Variants in ATOH8 observed in about 807,000 individuals in gnomAD.
The protein encoded by ATOH8 is atonal bHLH transcription factor 8.
In ATOH8, 9 loss-of-function variants were observed where a neutral mutation model predicts 21.2. The ratio of observed to expected loss-of-function variants is 0.42; its 90% CI spans 0.26 to 0.74. The LOEUF is 0.74. ATOH8 is among the 30% of genes least tolerant of loss of function. ATOH8 has a pLI of 0.24. For synonymous variants in ATOH8, 253 were observed against 224.0 expected, an observed-to-expected ratio of 1.13 and a Z score of -1.16; for missense variants, 524 against 470.9, an observed-to-expected ratio of 1.11 and a Z score of -1.04.
intron 2 of ATOH8, among the ~76,000 whole-genome samples, chr2:85,777,700 T>G (rs1333916556): frequency 6.6e-6 from 1 of 152,182 alleles, no homozygotes; most frequent in East Asian, 1.9e-4. Context: ...GAAGTCTGCT[T>G]CTGTGCAGGA....
chr2:85,756,830 A>G (rs1222928518), intron 1 of ATOH8, among the ~76,000 whole-genome samples: 1 of 151,276 alleles, frequency 6.6e-6, no homozygotes, highest in Non-Finnish European at 1.5e-5. Flanking sequence ...GTCATGTGCC[A>G]CCCCCCCAGC....
intron 2 of ATOH8, among the ~76,000 whole-genome samples, chr2:85,768,325 A>G (rs1184421331): frequency 6.6e-6 from 1 of 152,216 alleles, no homozygotes; most frequent in Non-Finnish European, 1.5e-5. Flanking sequence ...ATGGTGGCCC[A>G]TAGCTTCACA....
At chr2:85,776,701 A>G (rs1680331847) in intron 2 of ATOH8, among the ~76,000 whole-genome samples, 1 of 152,190 alleles carries the variant, frequency 6.6e-6, no homozygotes, top group Non-Finnish European at 1.5e-5. Flanking sequence ...CAAGGATTTC[A>G]AAATTGCTCT....
chr2:85,778,735 G>C (rs1442481461), intron 2 of ATOH8, among the ~76,000 whole-genome samples: 1 of 152,220 alleles, frequency 6.6e-6, no homozygotes, highest in East Asian at 1.9e-4. Flanking sequence ...GAGGCGCTTC[G>C]AGAGGCAGCA....
intron 2 of ATOH8, among the ~76,000 whole-genome samples, chr2:85,784,142 C>T (rs1159383298): frequency 6.6e-6 from 1 of 152,180 alleles, no homozygotes; most frequent in East Asian, 1.9e-4. Flanking sequence ...CTGAGACCTT[C>T]CCCCTGGTCT....
intron 2 of ATOH8, among the ~76,000 whole-genome samples, chr2:85,767,377 C>T (rs1457544581): frequency 6.6e-6 from 1 of 151,890 alleles, no homozygotes; most frequent in East Asian, 2.0e-4. Context: ...ACACCACAGC[C>T]TGGGAGCCAG....
In ATOH8 at chr2:85,764,148, C is replaced by T; in HGVS notation, c.926C>T (p.Thr309Ile). 6.2e-7 allele frequency: 1 copy of T among 1,614,180 alleles called. No homozygotes were observed. Among genetic ancestry groups the T allele is most frequent in the South Asian group, 1.1e-5 (1 of 91,082 alleles). The stretch of plus-strand genomic sequence containing the variant: ...GAGTGTGTGCAGCGCTGCACCCGCA[C>T]CCTGCAGGCCGAGGGACGTGCCAAG... Reference protein sequence around the residue: ...FSECVQRCTRTLQAEGRAKKR... With the variant: ...FSECVQRCTRILQAEGRAKKR... Residue 309 changes from threonine to isoleucine, a missense_variant, in exon 2 of 3, where the codon ACC (threonine) becomes ATC (isoleucine). Transcript: ENST00000306279.
chr2:85,758,962 G>A (rs939231132), intron 1 of ATOH8, among the ~76,000 whole-genome samples: 5 of 152,336 alleles, frequency 3.3e-5, no homozygotes, highest in Admixed American at 6.5e-5. Flanking sequence ...TGTGGTGTGC[G>A]TGTGGATTTC....
At chr2:85,758,157 A>G (rs745721813) in intron 1 of ATOH8, among the ~76,000 whole-genome samples, 3 of 152,182 alleles carry the variant, frequency 2.0e-5, no homozygotes, top group Non-Finnish European at 4.4e-5. Flanking sequence ...AGATGAAGCA[A>G]TAAGAATTCT....
intron 1 of ATOH8, 128 bp downstream of exon 1, chr2:85,755,085 C>A: frequency 7.8e-7 from 1 of 1,283,844 alleles, no homozygotes; most frequent in Non-Finnish European, 1.0e-6. Context: ...GACCCTGGTG[C>A]CCAGACAGGT....
chr2:85,778,801 A>C, intron 2 of ATOH8, among the ~76,000 whole-genome samples: 1 of 152,220 alleles, frequency 6.6e-6, no homozygotes, highest in East Asian at 1.9e-4. Context: ...GGGACCCTCC[A>C]CCGTGGTCGG....
chr2:85,790,718 C>A lies in ATOH8; in HGVS notation c.*3828C>A, dbSNP rs1442988083. 6.6e-6 allele frequency among the ~76,000 whole-genome samples: 1 copy of A among 152,200 alleles called. No individual in the cohort carries two copies. Among genetic ancestry groups the A allele is most frequent in the Non-Finnish European group, 1.5e-5 (1 of 68,044 alleles). ...TGTGCAGGGACTGTGTTGGGAGCTG[C>A]AGGTACAGAGCTCCTCTGTGCTCAA... On this transcript the variant is annotated 3_prime_UTR_variant, in exon 3 of 3. Coordinates refer to ENST00000306279, the MANE Select transcript of ATOH8 (RefSeq NM_032827.7).
At chr2:85,774,648 T>C (rs1241555348) in intron 2 of ATOH8, 11 of 985,314 alleles carry the variant, frequency 1.1e-5, no homozygotes, top group Non-Finnish European at 1.3e-5. Flanking sequence ...TCAGACTGCC[T>C]CACTCCATCC....
Position 85,754,026 on chromosome 2 carries a change from C to T in ATOH8, c.-164C>T, listed in dbSNP as rs1451830223. On this transcript the variant is annotated 5_prime_UTR_variant, in exon 1 of 3. Transcript: ENST00000306279. ...CTGAGCGCTCCGGGAACGGACAGCC[C>T]GGCGGCTTCCCGAAGCCGGCGGCGC... is the stretch of plus-strand genomic sequence containing the variant. 5.3e-6 allele frequency: 4 copies of T among 761,626 alleles called. No individual in the cohort carries two copies. Among genetic ancestry groups the T allele is most frequent in the Non-Finnish European group, 5.7e-6 (3 of 525,332 alleles). 47.2% of individuals were successfully genotyped at this position (761,626 alleles called of 1,614,324 possible). A position where few individuals can be genotyped will look rare whatever the true frequency, so the allele number is the denominator to read the frequency against.
intron 2 of ATOH8, among the ~76,000 whole-genome samples, chr2:85,770,178 A>G (rs1172526454): frequency 6.6e-6 from 1 of 151,614 alleles, no homozygotes; most frequent in Non-Finnish European, 1.5e-5. Context: ...TCCTCTCACC[A>G]ACCCTTGAGG....
In ATOH8 at chr2:85,788,471, C is replaced by T. The variant is rs1680680798; in HGVS notation, c.*1581C>T. Reference sequence around the variant, plus strand: ...CACTTCAAATCCTGTGCTCTCAAACCTTTTCCAGCCCCATCACCAGTCCCA... The same window carrying T: ...CACTTCAAATCCTGTGCTCTCAAACTTTTTCCAGCCCCATCACCAGTCCCA... On this transcript the variant is annotated 3_prime_UTR_variant, in exon 3 of 3. Transcript: ENST00000306279. Among the ~76,000 whole-genome samples, 2 of 152,182 alleles carry T rather than the reference C, an allele frequency of 1.3e-5. No individual in the cohort carries two copies. Among genetic ancestry groups the T allele is most frequent in the Admixed American group, 6.5e-5 (1 of 15,272 alleles).
chr2:85,765,954 T>C (rs12475263), intron 2 of ATOH8, among the ~76,000 whole-genome samples: 110,327 of 151,940 alleles, frequency 0.73, 41,887 homozygotes, highest in Non-Finnish European at 0.85. Flanking sequence ...GTCTGGGACT[T>C]TACCTGAGGC....
At chr2:85,759,343 A>G (rs1183922480) in intron 1 of ATOH8, among the ~76,000 whole-genome samples, 2 of 152,178 alleles carry the variant, frequency 1.3e-5, no homozygotes, top group Non-Finnish European at 2.9e-5. Context: ...CTCCTGTTCC[A>G]TCATGTCCAA....
chr2:85,781,526 A>G (rs1680493454), intron 2 of ATOH8, among the ~76,000 whole-genome samples: 1 of 152,162 alleles, frequency 6.6e-6, no homozygotes, highest in East Asian at 1.9e-4. Flanking sequence ...AGATCACGCC[A>G]CTGTACTCCA....
Sources: allele counts gnomAD v4.1 joint callset (sites outside exome capture counted in the v4.1 genomes callset), GRCh38; gene constraint gnomAD v4.1.1; transcripts MANE v1.5; gene names NCBI Gene and HGNC (gene_info 2026-07-23, HGNC 2026-07-21).